Variants in NCAM1 observed in about 807,000 individuals in gnomAD.
NCAM1 encodes the protein antigen recognized by monoclonal antibody 5.1H11.
In NCAM1, 14 loss-of-function variants were observed where a neutral mutation model predicts 109.8. The ratio of observed to expected loss-of-function variants is 0.13; its 90% CI spans 0.08 to 0.20. The LOEUF is 0.20. Among genes scored for constraint, NCAM1 ranks in the 10% least tolerant of loss-of-function variants. The pLI is 1.00. For missense variants in NCAM1, 774 were observed against 1,109.9 expected (o/e 0.70, Z 4.30); for synonymous variants, 418 against 442.9 (o/e 0.94, Z 0.70).
intron 7 of NCAM1, among the ~76,000 whole-genome samples, chr11:113,210,277 CT>C (rs1334076596): frequency 1.3e-5 from 2 of 152,146 alleles, no homozygotes; most frequent in Non-Finnish European, 2.9e-5. Context: ...TAAGTTAACT[CT>C]TTTAATCCTC....
intron 17 of NCAM1, among the ~76,000 whole-genome samples, chr11:113,268,124 A>G (rs1450888784): frequency 6.6e-6 from 1 of 152,192 alleles, no homozygotes; most frequent in Non-Finnish European, 1.5e-5. Context: ...TTCCCTGTTC[A>G]GGGAAACAGC....
chr11:113,207,806 G>A (rs1555113106), intron 6 of NCAM1, 27 bp from the exon 7 acceptor site: 1 of 1,590,012 alleles, frequency 6.3e-7, no homozygotes, highest in Non-Finnish European at 8.6e-7. Flanking sequence ...TCGAAATCAT[G>A]CTACTTTGCA....
At chr11:113,178,701 C>T (rs1380645709) in intron 1 of NCAM1, among the ~76,000 whole-genome samples, 6 of 152,170 alleles carry the variant, frequency 3.9e-5, no homozygotes, top group Admixed American at 2.6e-4. Flanking sequence ...TGAATTTCTC[C>T]CTGAGTAAAT....
chr11:113,202,993 C>T (rs1371194817), intron 2 of NCAM1, among the ~76,000 whole-genome samples: 2 of 152,194 alleles, frequency 1.3e-5, no homozygotes, highest in African/African-American at 4.8e-5. Flanking sequence ...TGGTCCCCAC[C>T]AGAGCTCTGA....
chr11:113,157,937 C>T (rs117243265), intron 1 of NCAM1, among the ~76,000 whole-genome samples: 225 of 151,964 alleles, frequency 1.5e-3, no homozygotes, highest in East Asian at 5.4e-3. Flanking sequence ...TTTTAATAGC[C>T]GTCAAAGGTA....
intron 14 of NCAM1, among the ~76,000 whole-genome samples, chr11:113,238,807 A>G (rs1365811903): frequency 6.6e-6 from 1 of 152,172 alleles, no homozygotes; most frequent in Non-Finnish European, 1.5e-5. Context: ...AGGATCTCCT[A>G]CCACTGGAGT....
chr11:113,170,206 C>G (rs1276319760), intron 1 of NCAM1, among the ~76,000 whole-genome samples: 1 of 152,162 alleles, frequency 6.6e-6, no homozygotes, highest in Non-Finnish European at 1.5e-5. Context: ...AGAATGTGCC[C>G]AGCACTCCAT....
intron 1 of NCAM1, among the ~76,000 whole-genome samples, chr11:113,094,659 T>C (rs1939512276): frequency 6.6e-6 from 1 of 152,188 alleles, no homozygotes; most frequent in Non-Finnish European, 1.5e-5. Flanking sequence ...CCCACACTCT[T>C]GTTAACTGCC....
At chr11:113,103,134 T>C (rs1246198128) in intron 1 of NCAM1, among the ~76,000 whole-genome samples, 3 of 152,210 alleles carry the variant, frequency 2.0e-5, no homozygotes, top group Admixed American at 1.3e-4. Context: ...CATAGCACTT[T>C]GGCTGTTGTC....
chr11:113,151,923 C>T (rs1410279456), intron 1 of NCAM1, among the ~76,000 whole-genome samples: 1 of 152,158 alleles, frequency 6.6e-6, no homozygotes, highest in African/African-American at 2.4e-5. Flanking sequence ...CAGAAAGATC[C>T]CCAGCAGAGC....
intron 1 of NCAM1, among the ~76,000 whole-genome samples, chr11:113,169,050 GTGTGTGTGTGTGTGTGTGTGTC>G (rs1354145343): frequency 1.1e-4 from 12 of 104,606 alleles, no homozygotes; most frequent in Non-Finnish European, 2.0e-4. Context: ...GTGTGTGTGT[GTGTGTGTGTGTGTGTGTGTGTC>G]TGTGTGTGTG....
At chr11:113,243,024 C>T in intron 14 of NCAM1, 1 of 962,276 alleles carries the variant, frequency 1.0e-6, no homozygotes, top group Non-Finnish European at 1.2e-6. Flanking sequence ...GCCAAGAGAG[C>T]AAACCAAGCA....
chr11:113,224,128 G>A (rs1944765879), intron 9 of NCAM1, among the ~76,000 whole-genome samples: 1 of 152,250 alleles, frequency 6.6e-6, no homozygotes, highest in Non-Finnish European at 1.5e-5. Flanking sequence ...CCGAAGCAGG[G>A]CGAGGCATCA....
At chr11:113,016,677 C>T (rs1952213855) in intron 1 of NCAM1, among the ~76,000 whole-genome samples, 1 of 152,128 alleles carries the variant, frequency 6.6e-6, no homozygotes, top group African/African-American at 2.4e-5. Context: ...TGGCCCTACA[C>T]ACTACCAGGT....
chr11:113,034,952 A>G (rs1952824035), intron 1 of NCAM1, among the ~76,000 whole-genome samples: 2 of 152,234 alleles, frequency 1.3e-5, no homozygotes, highest in Non-Finnish European at 2.9e-5. Flanking sequence ...TACGTTAAGA[A>G]GACTCTGTTA....
At chr11:113,207,426 G>T in intron 6 of NCAM1, 48 bp downstream of exon 6, 1 of 1,470,678 alleles carries the variant, frequency 6.8e-7, no homozygotes, top group Non-Finnish European at 9.5e-7. Context: ...GGAGAATGGG[G>T]CATCACAAAG....
intron 1 of NCAM1, among the ~76,000 whole-genome samples, chr11:113,184,129 G>A (rs1370342479): frequency 6.6e-6 from 1 of 152,044 alleles, no homozygotes; most frequent in Admixed American, 6.5e-5. Flanking sequence ...TAGAGAGGAG[G>A]GGAAAAAATC....
chr11:113,258,066 C>T (rs1945877368), intron 16 of NCAM1, among the ~76,000 whole-genome samples: 2 of 152,232 alleles, frequency 1.3e-5, no homozygotes, highest in Admixed American at 6.5e-5. Flanking sequence ...CCAGCCTTAG[C>T]CATGGGCCTA....
In NCAM1 at chr11:113,216,976, A is replaced by G. The variant is rs376273437; in HGVS notation, c.1059+2465A>G. On this transcript the variant is annotated intron_variant, in intron 8 of 19. Transcript: ENST00000316851. ...CCGAAGTTGCTTCTATATAATTAGG[A>G]ATCAAGATTACTAGCATCACTGTAA... Among the ~76,000 whole-genome samples the G allele has an allele frequency of 1.2e-3, 189 of 152,314 alleles. 5 individuals carry two copies. The South Asian group carries it at 0.038, about 31-fold the overall frequency.
Sources: allele counts gnomAD v4.1 joint callset (sites outside exome capture counted in the v4.1 genomes callset), GRCh38; gene constraint gnomAD v4.1.1; transcripts MANE v1.5; gene names NCBI Gene and HGNC (gene_info 2026-07-23, HGNC 2026-07-21).